The following BAIAP2L1 variants were observed in gnomAD, a reference collection of about 807,000 sequenced individuals.
BAIAP2L1 encodes BAR/IMD domain containing adaptor protein 2 like 1, also known as BAR/IMD domain-containing adapter protein 2-like 1.
In BAIAP2L1, 35 loss-of-function variants were observed where a neutral mutation model predicts 66.3. The ratio of observed to expected loss-of-function variants is 0.53; its 90% CI spans 0.40 to 0.70. The LOEUF is 0.70. Among genes scored for constraint, BAIAP2L1 ranks in the 30% least tolerant of loss-of-function variants. The pLI is 0.00. For synonymous variants in BAIAP2L1, 269 were observed against 248.7 expected, an observed-to-expected ratio of 1.08 and a Z score of -0.77; for missense variants, 622 against 656.9, an observed-to-expected ratio of 0.95 and a Z score of 0.58.
intron 3 of BAIAP2L1, among the ~76,000 whole-genome samples, chr7:98,335,299 G>A (rs62478177): frequency 0.4 from 60,844 of 151,430 alleles, 13,128 homozygotes; most frequent in Middle Eastern, 0.54. Flanking sequence ...CGCTGACCAT[G>A]GGGATATTAC....
rs780836343 is a variant in BAIAP2L1 at position 98,359,745 on chromosome 7, GT to G, written c.127+2611del. Among the ~76,000 whole-genome samples the G allele has an allele frequency of 9.6e-3, 1,049 of 109,044 alleles. 3 individuals are homozygous for G. The highest frequency in any genetic ancestry group is 0.023 in the East Asian group (87 of 3,756). 71.5% of individuals were successfully genotyped at this position (109,044 alleles called of 152,430 possible). ...CCTAGCCATTCACCTGTAGACCTGGGTTTTTTTTTTTTTTTTTTTTTTTAAT... is the reference window on the plus strand; with the variant it reads ...CCTAGCCATTCACCTGTAGACCTGGGTTTTTTTTTTTTTTTTTTTTTTAAT... On this transcript the variant is annotated intron_variant, in intron 2 of 13. Transcript: ENST00000005260.
At position 98,393,094 on chromosome 7, in the gene BAIAP2L1, TATAC is replaced by T. The variant is rs1384133925; in HGVS notation, c.51+7704_51+7707del. Among the ~76,000 whole-genome samples, 204 of 109,266 alleles carry T rather than the reference TATAC, an allele frequency of 1.9e-3. 1 individual carries two copies. Among genetic ancestry groups the T allele is most frequent in the African/African-American group, 7.9e-3 (182 of 23,082 alleles). 71.7% of individuals were successfully genotyped at this position (109,266 alleles called of 152,430 possible). A position where few individuals can be genotyped will look rare whatever the true frequency, so the allele number is the denominator to read the frequency against. ...ATGTATACACACACATATATACATA[TATAC>T]GTGTACATATATGTACACATATATG... On this transcript the variant is annotated intron_variant, in intron 1 of 13. Coordinates refer to ENST00000005260, the MANE Select transcript of BAIAP2L1 (RefSeq NM_018842.5).
chr7:98,322,242 T>A (rs1360295917), intron 3 of BAIAP2L1, among the ~76,000 whole-genome samples: 1 of 152,088 alleles, frequency 6.6e-6, no homozygotes, highest in Non-Finnish European at 1.5e-5. Flanking sequence ...AATGACCCTA[T>A]CATGTCCTGT....
intron 3 of BAIAP2L1, among the ~76,000 whole-genome samples, chr7:98,347,549 G>A (rs929084131): frequency 1.3e-5 from 2 of 152,138 alleles, no homozygotes; most frequent in Admixed American, 1.3e-4. Context: ...GCCGAGGTGG[G>A]TGGATCAAGA....
At chr7:98,310,656 C>A in intron 8 of BAIAP2L1, 64 bp from the exon 9 acceptor site, 4 of 1,290,686 alleles carry the variant, frequency 3.1e-6, no homozygotes, top group South Asian at 1.7e-5. Flanking sequence ...CACAGATTCC[C>A]AAGGCTGTTT....
intron 1 of BAIAP2L1, among the ~76,000 whole-genome samples, chr7:98,397,994 T>C (rs2394854): frequency 0.39 from 58,564 of 152,086 alleles, 12,636 homozygotes; most frequent in Middle Eastern, 0.55. Context: ...ATATTTGATA[T>C]TGGCTACAGA....
chr7:98,325,405 T>C (rs752783830), intron 3 of BAIAP2L1, among the ~76,000 whole-genome samples: 35 of 151,086 alleles, frequency 2.3e-4, no homozygotes, highest in African/African-American at 7.3e-5. Context: ...AGGCCAGGTG[T>C]GGTGGCTCAT....
intron 1 of BAIAP2L1, among the ~76,000 whole-genome samples, chr7:98,379,905 C>T (rs1168422616): frequency 6.6e-6 from 1 of 151,914 alleles, no homozygotes; most frequent in African/African-American, 2.4e-5. Flanking sequence ...GAGCTGGAAG[C>T]GAGAATGAGT....
chr7:98,293,483 A>G lies in BAIAP2L1; in HGVS notation c.*38T>C. 1 of 1,582,948 alleles carries G rather than the reference A, an allele frequency of 6.3e-7. No homozygotes were observed. The highest frequency in any genetic ancestry group is 8.7e-7 in the Non-Finnish European group (1 of 1,153,268). ...GGATGCGCCCATCATTCCGCAAGGG[A>G]GAACCGGAGAGGCCCGGGAGAGTCC... On this transcript the variant is annotated 3_prime_UTR_variant, in exon 14 of 14. Coordinates refer to ENST00000005260, the MANE Select transcript of BAIAP2L1 (RefSeq NM_018842.5).
chr7:98,310,675 T>TA (rs376407406), intron 8 of BAIAP2L1, 83 bp from the exon 9 acceptor site: 2,060 of 980,688 alleles, frequency 2.1e-3, no homozygotes, highest in South Asian at 5.1e-3. Context: ...TTTTTTTTTT[T>TA]AAATAATAGG....
chr7:98,357,936 C>T lies in BAIAP2L1; in HGVS notation c.128-2808G>A, dbSNP rs571116754. On this transcript the variant is annotated intron_variant, in intron 2 of 13. Transcript: ENST00000005260. ...ATGGTGCTTTCTGATTCTTTGGTCTCGTCTAGAACTAAGAAAGAAGTGACT... is the reference window on the plus strand; with the variant it reads ...ATGGTGCTTTCTGATTCTTTGGTCTTGTCTAGAACTAAGAAAGAAGTGACT... 2.0e-5 allele frequency among the ~76,000 whole-genome samples: 3 copies of T among 152,188 alleles called. No homozygotes were observed. The East Asian group carries it at 5.8e-4, about 29-fold the overall frequency.
chr7:98,382,050 T>A (rs13245076), intron 1 of BAIAP2L1, among the ~76,000 whole-genome samples: 1 of 151,096 alleles, frequency 6.6e-6, no homozygotes, highest in Non-Finnish European at 1.5e-5. Context: ...CTCAGCCTCC[T>A]GAGTAGCTGG....
At chr7:98,366,713 T>C (rs1047697810) in intron 1 of BAIAP2L1, among the ~76,000 whole-genome samples, 4 of 152,190 alleles carry the variant, frequency 2.6e-5, no homozygotes, top group African/African-American at 9.6e-5. Context: ...CTGGTATCAC[T>C]AGACGCAGTC....
intron 3 of BAIAP2L1, among the ~76,000 whole-genome samples, chr7:98,342,228 T>G (rs903997550): frequency 2.6e-5 from 4 of 151,914 alleles, no homozygotes; most frequent in Middle Eastern, 6.9e-3. Flanking sequence ...ACTTTTGTAT[T>G]TTTAGTAGAG....
intron 1 of BAIAP2L1, among the ~76,000 whole-genome samples, chr7:98,370,767 C>T (rs941083350): frequency 7.9e-5 from 12 of 152,134 alleles, no homozygotes; most frequent in African/African-American, 1.2e-4. Context: ...TCCCAAAGTG[C>T]TGGGATTACA....
At chr7:98,302,049 G>A (rs1008629913) in intron 12 of BAIAP2L1, among the ~76,000 whole-genome samples, 4 of 152,150 alleles carry the variant, frequency 2.6e-5, no homozygotes, top group Admixed American at 6.6e-5. Flanking sequence ...GCAGTCTCCC[G>A]ACACTGACAG....
intron 3 of BAIAP2L1, among the ~76,000 whole-genome samples, chr7:98,338,630 C>A (rs1279788675): frequency 6.6e-6 from 1 of 152,164 alleles, no homozygotes; most frequent in Non-Finnish European, 1.5e-5. Flanking sequence ...AACCAAGGTT[C>A]ACCCGTATTG....
At chr7:98,400,712 G>T in intron 1 of BAIAP2L1, 90 bp downstream of exon 1, 5 of 1,419,526 alleles carry the variant, frequency 3.5e-6, no homozygotes, top group Non-Finnish European at 4.9e-6. Flanking sequence ...GGGAGCTGGA[G>T]GGAGGGAAAG....
intron 3 of BAIAP2L1, among the ~76,000 whole-genome samples, chr7:98,348,181 T>C (rs1801918416): frequency 1.3e-5 from 2 of 151,796 alleles, no homozygotes; most frequent in South Asian, 4.2e-4. Context: ...ATTTCAAAGA[T>C]ACATGAAAGA....
Sources: gnomAD v4.1 joint callset for allele counts (sites outside exome capture counted in the v4.1 genomes callset) on GRCh38, gnomAD v4.1.1 for gene constraint, MANE v1.5 for transcripts, NCBI Gene and HGNC (gene_info 2026-07-23, HGNC 2026-07-21) for gene names.